BANK1: variants seen among roughly 807,000 people sequenced by gnomAD.
The protein encoded by BANK1 is B cell scaffold protein with ankyrin repeats 1, also known as B-cell scaffold protein with ankyrin repeats.
BANK1 carries 95 observed loss-of-function variants against 94.5 expected under a neutral mutation model. The ratio of observed to expected loss-of-function variants is 1.00; its 90% confidence interval spans 0.85 to 1.19. The LOEUF is 1.19. BANK1 is among the 50% of genes most tolerant of loss of function. The pLI is 0.00. For synonymous variants in BANK1, 334 were observed against 308.4 expected, an observed-to-expected ratio of 1.08 and a Z score of -0.87; for missense variants, 987 against 932.2, an observed-to-expected ratio of 1.06 and a Z score of -0.77.
Position 102,030,157 on chromosome 4 carries a change from A to G in BANK1, c.1792A>G (p.Lys598Glu). Residue 598 changes from lysine (K) to glutamate (E), a missense_variant, in exon 10 of 17, where the codon AAG becomes GAG. Lys to Glu is a moderately conservative substitution (Grantham distance 56, BLOSUM62 1). Coordinates refer to ENST00000322953, the MANE Select transcript of BANK1 (RefSeq NM_017935.5). ...CATGATATTGGCCAATCTGAGTATA[A>G]AGAAAAAAACTGGGAGTCGGTCTTT... Reference protein sequence around the residue: ...YDMILANLSIKKKTGSRSFII... With the variant: ...YDMILANLSIEKKTGSRSFII... The G allele has an allele frequency of 6.2e-7, 1 of 1,614,102 alleles. No homozygotes were observed. The highest frequency in any genetic ancestry group is 1.1e-5 in the South Asian group (1 of 91,078).
intron 5 of BANK1, among the ~76,000 whole-genome samples, chr4:101,894,466 C>CT (rs76522350): frequency 0.56 from 84,756 of 151,744 alleles, 25,165 homozygotes; most frequent in African/African-American, 0.77. Context: ...ACAAAAATAT[C>CT]TTTTTTTCAG....
At position 101,950,066 on chromosome 4, in the gene BANK1, TGCGC is replaced by T. The variant is rs1271693112; in HGVS notation, c.1206+31882_1206+31885del. On this transcript the variant is annotated intron_variant, in intron 7 of 16. Coordinates refer to ENST00000322953, the MANE Select transcript of BANK1 (RefSeq NM_017935.5). ...GTGTGTGTGTGTGTGTGTGTGCGCG[TGCGC>T]GCGCATGTGCCTACACAAATGAGAC... 4.3e-4 allele frequency among the ~76,000 whole-genome samples: 52 copies of T among 121,960 alleles called. 1 individual carries two copies. The South Asian group carries it at 8.8e-3, about 21-fold the overall frequency. The allele number at this position is 121,960 out of a possible 152,430, so 80.0% of individuals were successfully genotyped here.
intron 3 of BANK1, among the ~76,000 whole-genome samples, chr4:101,858,502 C>G (rs1349105319): frequency 1.3e-5 from 2 of 151,990 alleles, no homozygotes; most frequent in Non-Finnish European, 2.9e-5. Flanking sequence ...TTCTTTAAAC[C>G]CAGATCTTTA....
intron 7 of BANK1, among the ~76,000 whole-genome samples, chr4:102,004,236 A>G (rs1726173268): frequency 6.6e-6 from 1 of 152,150 alleles, no homozygotes; most frequent in South Asian, 2.1e-4. Flanking sequence ...TTATTTGTTG[A>G]ATGAATGAAT....
At chr4:101,819,057 A>G (rs1385000276) in intron 1 of BANK1, among the ~76,000 whole-genome samples, 1 of 152,060 alleles carries the variant, frequency 6.6e-6, no homozygotes, top group Non-Finnish European at 1.5e-5. Context: ...TGTGGTACTC[A>G]CATGGGCCCA....
Position 101,895,417 on chromosome 4 carries a change from AT to A in BANK1, c.1009+11del. 1 of 1,455,914 alleles carries A rather than the reference AT, an allele frequency of 6.9e-7. No individual in the cohort carries two copies. The highest frequency in any genetic ancestry group is 9.6e-7 in the Non-Finnish European group (1 of 1,045,696). 90.2% of individuals were successfully genotyped at this position (1,455,914 alleles called of 1,614,324 possible). ...ATTTGTTCTCAAAACAAATGTGAGT[AT>A]TTTCCAGCTGCATCAATTATTCTTT... is the stretch of plus-strand genomic sequence containing the variant. On this transcript the variant is annotated splice_region_variant and intron_variant, in intron 6 of 16. Coordinates refer to ENST00000322953, the MANE Select transcript of BANK1 (RefSeq NM_017935.5).
At chr4:101,984,873 C>T (rs540644024) in intron 7 of BANK1, among the ~76,000 whole-genome samples, 17 of 152,076 alleles carry the variant, frequency 1.1e-4, no homozygotes, top group Admixed American at 1.1e-3. Flanking sequence ...ACGAATGCGA[C>T]CTGAAGTGAC....
At chr4:101,927,930 T>TA (rs1723217338) in intron 7 of BANK1, among the ~76,000 whole-genome samples, 1 of 151,588 alleles carries the variant, frequency 6.6e-6, no homozygotes, top group African/African-American at 2.4e-5. Context: ...TCTATTGACC[T>TA]GGATGCCAAG....
At chr4:101,921,395 T>C (rs1013363392) in intron 7 of BANK1, among the ~76,000 whole-genome samples, 3 of 151,926 alleles carry the variant, frequency 2.0e-5, no homozygotes, top group African/African-American at 4.8e-5. Context: ...AATAGTGACA[T>C]TGATGATTGA....
At chr4:102,072,486 G>A in intron 15 of BANK1, 86 bp downstream of exon 15, 2 of 998,328 alleles carry the variant, frequency 2.0e-6, no homozygotes, top group Middle Eastern at 2.2e-4. Flanking sequence ...TCCTGTCTAT[G>A]CTTTTAGACA....
intron 7 of BANK1, among the ~76,000 whole-genome samples, chr4:101,953,324 G>A (rs556898875): frequency 6.6e-6 from 1 of 152,182 alleles, no homozygotes; most frequent in Non-Finnish European, 1.5e-5. Flanking sequence ...GCCTTCTACA[G>A]AACACTTAAT....
At chr4:101,877,753 C>T (rs966691378) in intron 5 of BANK1, among the ~76,000 whole-genome samples, 9 of 151,878 alleles carry the variant, frequency 5.9e-5, no homozygotes, top group Non-Finnish European at 1.0e-4. Flanking sequence ...GGCATGGTGG[C>T]GGGTGCCTGT....
intron 13 of BANK1, among the ~76,000 whole-genome samples, chr4:102,064,718 A>T (rs1246748009): frequency 1.3e-5 from 2 of 152,246 alleles, no homozygotes; most frequent in African/African-American, 4.8e-5. Flanking sequence ...AGCAAGTGAT[A>T]TTAGGAGGCA....
intron 7 of BANK1, among the ~76,000 whole-genome samples, chr4:101,972,993 G>T (rs1725005676): frequency 6.6e-6 from 1 of 151,968 alleles, no homozygotes; most frequent in South Asian, 2.1e-4. Flanking sequence ...TGGGGAAAAG[G>T]GCAGCTGATG....
chr4:101,983,189 G>A (rs1475978652), intron 7 of BANK1, among the ~76,000 whole-genome samples: 1 of 151,912 alleles, frequency 6.6e-6, no homozygotes, highest in Admixed American at 6.6e-5. Flanking sequence ...CCAAGTTATG[G>A]ATAAAATGAA....
intron 7 of BANK1, among the ~76,000 whole-genome samples, chr4:102,010,175 G>A (rs1356395326): frequency 1.3e-5 from 2 of 151,372 alleles, no homozygotes; most frequent in African/African-American, 4.9e-5. Context: ...TGAGGCAGGA[G>A]AATGGCGTGA....
chr4:101,844,011 G>C (rs1396047817), intron 2 of BANK1, among the ~76,000 whole-genome samples: 2 of 152,084 alleles, frequency 1.3e-5, no homozygotes, highest in East Asian at 3.9e-4. Context: ...CCTTTGGCTT[G>C]GCTGCTTATC....
intron 2 of BANK1, among the ~76,000 whole-genome samples, chr4:101,842,022 A>G (rs1727067189): frequency 6.6e-6 from 1 of 152,200 alleles, no homozygotes; most frequent in South Asian, 2.1e-4. Flanking sequence ...ATTTTCTGGT[A>G]CTTCATATGA....
intron 1 of BANK1, among the ~76,000 whole-genome samples, chr4:101,822,689 C>T (rs563269449): frequency 2.4e-4 from 37 of 151,142 alleles, no homozygotes; most frequent in Admixed American, 5.3e-4. Context: ...AATCTCCCTT[C>T]ACTTCAAGCT....
Sources: gnomAD v4.1 joint callset for allele counts (sites outside exome capture counted in the v4.1 genomes callset) on GRCh38, gnomAD v4.1.1 for gene constraint, MANE v1.5 for transcripts, NCBI Gene and HGNC (gene_info 2026-07-23, HGNC 2026-07-21) for gene names.